The following ZRANB3 variants were observed in gnomAD, a reference collection of about 807,000 sequenced individuals.
The protein encoded by ZRANB3 is zinc finger RANBP2-type containing 3, also known as DNA annealing helicase and endonuclease ZRANB3.
In ZRANB3, 125 loss-of-function variants were observed where a neutral mutation model predicts 133.8. The observed-to-expected ratio is 0.93, with a 90% CI of 0.81 to 1.08. The LOEUF (loss-of-function observed/expected upper bound fraction) is 1.08. ZRANB3 is among the 50% of genes least tolerant of loss of function. ZRANB3 has a pLI of 0.00. For missense variants in ZRANB3, 1,229 were observed against 1,275.5 expected (o/e 0.96, Z 0.56); for synonymous variants, 387 against 432.7 (o/e 0.89, Z 1.31).
intron 12 of ZRANB3, among the ~76,000 whole-genome samples, chr2:135,237,907 G>A (rs1558853466): frequency 6.6e-6 from 1 of 152,038 alleles, no homozygotes; most frequent in Non-Finnish European, 1.5e-5. Flanking sequence ...AAATCTGCAC[G>A]TTGTGCACAT....
chr2:135,456,134 A>T (rs892174155), intron 2 of ZRANB3, among the ~76,000 whole-genome samples: 6 of 152,148 alleles, frequency 3.9e-5, no homozygotes, highest in African/African-American at 1.4e-4. Flanking sequence ...ATTAGGGTAG[A>T]CTTGGCTATA....
Position 135,271,894 on chromosome 2 carries a change from T to A in ZRANB3, c.1087-7A>T. On this transcript the variant is annotated splice_polypyrimidine_tract_variant and splice_region_variant and intron_variant, in intron 9 of 20. Transcript: ENST00000264159. ...CTATCCTAATGTAACGAGTCTAGCA[T>A]CAACAAGGAAAACGGCAAAATTAGG... 1 of 1,607,886 alleles carries A rather than the reference T, an allele frequency of 6.2e-7. No individual in the cohort carries two copies. Among genetic ancestry groups the A allele is most frequent in the Non-Finnish European group, 8.5e-7 (1 of 1,177,990 alleles).
intron 2 of ZRANB3, among the ~76,000 whole-genome samples, chr2:135,408,971 T>C (rs889010329): frequency 4.1e-5 from 6 of 147,220 alleles, no homozygotes; most frequent in Admixed American, 1.4e-4. Flanking sequence ...ACTTAGAGTA[T>C]AAAAAAAAAA....
chr2:135,323,211 T>C, intron 6 of ZRANB3, among the ~76,000 whole-genome samples: 1 of 152,208 alleles, frequency 6.6e-6, no homozygotes, highest in Non-Finnish European at 1.5e-5. Context: ...AGTTTAACAA[T>C]GAAACAGTTT....
At chr2:135,520,154 C>A (rs1260063865) in intron 1 of ZRANB3, among the ~76,000 whole-genome samples, 1 of 149,186 alleles carries the variant, frequency 6.7e-6, no homozygotes, top group Admixed American at 6.7e-5. Context: ...GAGGCCGAGG[C>A]GGGTGGATAA....
At chr2:135,437,395 A>G (rs928967430) in intron 2 of ZRANB3, among the ~76,000 whole-genome samples, 1 of 152,244 alleles carries the variant, frequency 6.6e-6, no homozygotes, top group Non-Finnish European at 1.5e-5. Context: ...TTCTATTTGC[A>G]TAACGTTCAG....
chr2:135,463,888 A>G (rs1690873454), intron 2 of ZRANB3, among the ~76,000 whole-genome samples: 1 of 152,250 alleles, frequency 6.6e-6, no homozygotes, highest in Admixed American at 6.5e-5. Context: ...TTTAATTCAG[A>G]CAATCAAGTA....
intron 12 of ZRANB3, among the ~76,000 whole-genome samples, chr2:135,244,500 C>T (rs993618082): frequency 2.0e-5 from 3 of 151,926 alleles, no homozygotes; most frequent in South Asian, 4.1e-4. Flanking sequence ...CCCAGCTACT[C>T]GGGAGGCTGA....
intron 12 of ZRANB3, among the ~76,000 whole-genome samples, chr2:135,264,403 C>G (rs1324508675): frequency 1.4e-5 from 2 of 143,892 alleles, no homozygotes; most frequent in Non-Finnish European, 3.0e-5. Context: ...ACCCGGGAGA[C>G]AGAGGTTGCA....
At chr2:135,456,705 C>T (rs1236923468) in intron 2 of ZRANB3, among the ~76,000 whole-genome samples, 2 of 152,132 alleles carry the variant, frequency 1.3e-5, no homozygotes. Context: ...TAGATTGTTA[C>T]ATTACTAGAT....
chr2:135,240,319 C>T (rs1232449614), intron 12 of ZRANB3, among the ~76,000 whole-genome samples: 1 of 152,116 alleles, frequency 6.6e-6, no homozygotes, highest in African/African-American at 2.4e-5. Flanking sequence ...CTCTTAAAAA[C>T]AAAATGGTAA....
At chr2:135,278,003 A>T (rs1680924185) in intron 8 of ZRANB3, among the ~76,000 whole-genome samples, 1 of 152,044 alleles carries the variant, frequency 6.6e-6, no homozygotes, top group African/African-American at 2.4e-5. Flanking sequence ...CAATATATGA[A>T]AATATATGAA....
At chr2:135,348,646 G>C (rs1445715624) in intron 5 of ZRANB3, among the ~76,000 whole-genome samples, 1 of 152,136 alleles carries the variant, frequency 6.6e-6, no homozygotes, top group Non-Finnish European at 1.5e-5. Flanking sequence ...CCAGACTGGA[G>C]TGCAATGGTG....
At chr2:135,503,814 C>T (rs981191109) in intron 2 of ZRANB3, among the ~76,000 whole-genome samples, 10 of 151,760 alleles carry the variant, frequency 6.6e-5, no homozygotes, top group African/African-American at 2.4e-4. Context: ...ACAACAAAAA[C>T]AAAAATTACC....
chr2:135,293,959 G>C (rs1035409206), intron 8 of ZRANB3, among the ~76,000 whole-genome samples: 1 of 151,810 alleles, frequency 6.6e-6, no homozygotes, highest in African/African-American at 2.4e-5. Context: ...CTTGATCATG[G>C]TGGATAAGCT....
chr2:135,475,034 G>A (rs750495853), intron 2 of ZRANB3, among the ~76,000 whole-genome samples: 3 of 152,152 alleles, frequency 2.0e-5, no homozygotes, highest in Admixed American at 6.5e-5. Context: ...GAACTGGTAA[G>A]AACCATGGCA....
chr2:135,495,280 T>C (rs1457273707), intron 2 of ZRANB3, among the ~76,000 whole-genome samples: 1 of 152,176 alleles, frequency 6.6e-6, no homozygotes, highest in Non-Finnish European at 1.5e-5. Context: ...TTATTAAATT[T>C]GGTAACTGTG....
At chr2:135,383,469 T>C (rs1218840685) in intron 3 of ZRANB3, among the ~76,000 whole-genome samples, 2 of 152,078 alleles carry the variant, frequency 1.3e-5, no homozygotes, top group African/African-American at 2.4e-5. Flanking sequence ...TATCCAGGAA[T>C]TGAACTCAGC....
chr2:135,249,573 T>C (rs556322841), intron 12 of ZRANB3, among the ~76,000 whole-genome samples: 38 of 152,314 alleles, frequency 2.5e-4, no homozygotes, highest in African/African-American at 7.7e-4. Context: ...TCAACTTGAA[T>C]TGTATCTCAC....
Sources: allele counts gnomAD v4.1 joint callset (sites outside exome capture counted in the v4.1 genomes callset), GRCh38; gene constraint gnomAD v4.1.1; transcripts MANE v1.5; gene names NCBI Gene and HGNC (gene_info 2026-07-23, HGNC 2026-07-21).